Variants in PLB1 observed in about 807,000 individuals in gnomAD.
PLB1 encodes the protein phospholipase B1, membrane-associated.
PLB1 carries 242 observed loss-of-function variants against 227.4 expected under a neutral mutation model. That is an observed-to-expected ratio of 1.06 (90% CI 0.96 to 1.18). The LOEUF (loss-of-function observed/expected upper bound fraction) is 1.18, where lower values mean the gene tolerates loss of function less well. Ranked by LOEUF, PLB1 falls within the 50% of genes most tolerant of loss-of-function variation. PLB1 has a pLI of 0.00. For missense variants in PLB1, 1,858 were observed against 1,816.3 expected, an observed-to-expected ratio of 1.02 and a Z score of -0.42; for synonymous variants, 757 against 682.2, an observed-to-expected ratio of 1.11 and a Z score of -1.71.
Position 28,605,929 on chromosome 2 carries a change from G to A in PLB1, c.3038G>A (p.Arg1013Lys). The A allele has an allele frequency of 6.2e-7, 1 of 1,612,198 alleles. No individual in the cohort carries two copies. The highest frequency in any genetic ancestry group is 8.5e-7 in the Non-Finnish European group (1 of 1,178,252). Residue 1013 changes from arginine to lysine, a missense_variant, in exon 42 of 58, where the codon AGA becomes AAA. Arg to Lys is a conservative substitution (Grantham distance 26). Transcript: ENST00000327757. ...PNQKFHSQLARALWTNMLEPL... is the reference protein window; with the variant it reads ...PNQKFHSQLAKALWTNMLEPL... ...CAGAAATTCCACTCCCAGCTGGCCAGAGCCCTTTGGACCAATATGGTAAAA... is the reference window on the plus strand; with the variant it reads ...CAGAAATTCCACTCCCAGCTGGCCAAAGCCCTTTGGACCAATATGGTAAAA...
chr2:28,528,256 GC>G (rs984926414), intron 6 of PLB1, among the ~76,000 whole-genome samples: 5 of 152,178 alleles, frequency 3.3e-5, no homozygotes, highest in East Asian at 1.9e-4. Context: ...CTCCCAGGAA[GC>G]CCCGAGGCAC....
At chr2:28,581,926 A>T in intron 23 of PLB1, 142 bp from the exon 24 acceptor site, 1 of 680,828 alleles carries the variant, frequency 1.5e-6, no homozygotes, top group Non-Finnish European at 2.4e-6. Flanking sequence ...ACACCACTGC[A>T]CTCCAGCCCG....
At chr2:28,589,863 C>A (rs1681580812) in intron 28 of PLB1, 93 bp downstream of exon 28, 6 of 1,384,418 alleles carry the variant, frequency 4.3e-6, no homozygotes, top group Non-Finnish European at 2.1e-6. Flanking sequence ...ATCGTGCAGG[C>A]CATGTGATTC....
chr2:28,617,507 CT>C (rs1686357156), intron 44 of PLB1, among the ~76,000 whole-genome samples: 1 of 152,200 alleles, frequency 6.6e-6, no homozygotes, highest in Non-Finnish European at 1.5e-5. Flanking sequence ...GAGACATGCA[CT>C]ATGGGTTGTG....
chr2:28,602,049 C>A, intron 38 of PLB1, 85 bp downstream of exon 38: 2 of 1,298,368 alleles, frequency 1.5e-6, no homozygotes, highest in East Asian at 4.6e-5. Flanking sequence ...AGAGAAGAAC[C>A]CCTTTCTCTC....
chr2:28,625,588 G>A (rs1021523266), intron 50 of PLB1, among the ~76,000 whole-genome samples: 28 of 152,102 alleles, frequency 1.8e-4, no homozygotes, highest in African/African-American at 6.7e-4. Flanking sequence ...GTGGCCAAGT[G>A]GAAAGCCAAC....
intron 42 of PLB1, among the ~76,000 whole-genome samples, 177 bp downstream of exon 42, chr2:28,606,125 G>T (rs1684643987): frequency 6.6e-6 from 1 of 152,110 alleles, no homozygotes; most frequent in African/African-American, 2.4e-5. Flanking sequence ...GGGCTCAACT[G>T]CACCCTCTCC....
At chr2:28,606,054 GGTAC>G in intron 42 of PLB1, 106 bp downstream of exon 42, 1 of 878,412 alleles carries the variant, frequency 1.1e-6, no homozygotes, top group South Asian at 1.5e-5. Flanking sequence ...GGCAGTGGCT[GGTAC>G]ATCTATAAAC....
chr2:28,553,182 A>G (rs2148224966), intron 17 of PLB1, among the ~76,000 whole-genome samples, 191 bp downstream of exon 17: 1 of 152,366 alleles, frequency 6.6e-6, no homozygotes, highest in East Asian at 1.9e-4. Flanking sequence ...TCATTATCAG[A>G]AAGCATTTAT....
At chr2:28,508,241 C>T (rs1667851076) in intron 1 of PLB1, among the ~76,000 whole-genome samples, 1 of 152,170 alleles carries the variant, frequency 6.6e-6, no homozygotes, top group African/African-American at 2.4e-5. Context: ...GTTTGCTAGC[C>T]TCTCTGGATC....
chr2:28,525,794 G>A, intron 5 of PLB1, 111 bp from the exon 6 acceptor site: 1 of 1,358,344 alleles, frequency 7.4e-7, no homozygotes, highest in Non-Finnish European at 1.0e-6. Context: ...CCCAGAACCA[G>A]AGCAAGGCTA....
chr2:28,505,195 A>C (rs771780109), intron 1 of PLB1, among the ~76,000 whole-genome samples: 1 of 152,198 alleles, frequency 6.6e-6, no homozygotes, highest in Non-Finnish European at 1.5e-5. Flanking sequence ...ATCCAAAATC[A>C]TCCAGCTAAT....
At chr2:28,600,593 A>G (rs568472337) in intron 35 of PLB1, among the ~76,000 whole-genome samples, 1 of 152,324 alleles carries the variant, frequency 6.6e-6, no homozygotes, top group East Asian at 1.9e-4. Context: ...TACTTTGACT[A>G]CAGCTGTAGG....
Position 28,620,648 on chromosome 2 carries a change from G to C in PLB1, c.3427+5G>C. The C allele has an allele frequency of 6.2e-7, 1 of 1,613,938 alleles. No homozygotes were observed. Among genetic ancestry groups the C allele is most frequent in the Non-Finnish European group, 8.5e-7 (1 of 1,179,950 alleles). On this transcript the variant is annotated splice_donor_5th_base_variant and intron_variant, in intron 48 of 57. Transcript: ENST00000327757. Reference sequence around the variant, plus strand: ...AGACTCACACCACACTGCCCAGTAAGTAGCAGCCCAGAGAGGCACCATCAC... The same window carrying C: ...AGACTCACACCACACTGCCCAGTAACTAGCAGCCCAGAGAGGCACCATCAC...
At chr2:28,543,482 T>A (rs1212905132) in intron 14 of PLB1, among the ~76,000 whole-genome samples, 3 of 152,206 alleles carry the variant, frequency 2.0e-5, no homozygotes, top group Non-Finnish European at 4.4e-5. Flanking sequence ...GCCAGGCCAG[T>A]GAGCAGCAAA....
chr2:28,578,845 C>T (rs1441778986), intron 22 of PLB1, among the ~76,000 whole-genome samples: 2 of 152,260 alleles, frequency 1.3e-5, no homozygotes, highest in East Asian at 3.9e-4. Flanking sequence ...TAATGTCAAA[C>T]TTTCCTGGAT....
intron 1 of PLB1, among the ~76,000 whole-genome samples, chr2:28,502,936 C>T (rs1667260752): frequency 6.6e-6 from 1 of 151,846 alleles, no homozygotes; most frequent in African/African-American, 2.4e-5. Flanking sequence ...TTTTATTTTT[C>T]TTAAATCCAC....
chr2:28,567,665 G>A (rs1677262299), intron 20 of PLB1, among the ~76,000 whole-genome samples: 1 of 151,778 alleles, frequency 6.6e-6, no homozygotes, highest in Non-Finnish European at 1.5e-5. Flanking sequence ...ATAGAGACAG[G>A]GTTTCACCAT....
intron 24 of PLB1, 77 bp from the exon 25 acceptor site, chr2:28,582,328 A>G: frequency 7.6e-7 from 1 of 1,320,828 alleles, no homozygotes; most frequent in Non-Finnish European, 1.1e-6. Context: ...AAACTTCAGC[A>G]GGAGGAGCAG....
Sources: gnomAD v4.1 joint callset for allele counts (sites outside exome capture counted in the v4.1 genomes callset) on GRCh38, gnomAD v4.1.1 for gene constraint, MANE v1.5 for transcripts, NCBI Gene and HGNC (gene_info 2026-07-23, HGNC 2026-07-21) for gene names.